Variants in LRRC4C observed in about 807,000 individuals in gnomAD.
LRRC4C encodes leucine rich repeat containing 4C.
A neutral mutation model predicts 33.6 loss-of-function variants in LRRC4C; 5 were observed. The ratio of observed to expected loss-of-function variants is 0.15; its 90% CI spans 0.08 to 0.31. The LOEUF is 0.31. Among genes scored for constraint, LRRC4C ranks in the 10% least tolerant of loss-of-function variants. The pLI is 1.00. For synonymous variants in LRRC4C, 329 were observed against 302.0 expected, an observed-to-expected ratio of 1.09 and a Z score of -0.93; for missense variants, 560 against 796.7, an observed-to-expected ratio of 0.70 and a Z score of 3.58.
At chr11:40,662,836 G>T (rs1943515411) in intron 2 of LRRC4C, among the ~76,000 whole-genome samples, 1 of 152,196 alleles carries the variant, frequency 6.6e-6, no homozygotes, top group Non-Finnish European at 1.5e-5. Context: ...TAGTATTTGT[G>T]TGAAGATTTA....
intron 5 of LRRC4C, among the ~76,000 whole-genome samples, chr11:40,194,771 A>G (rs1399704955): frequency 6.6e-6 from 1 of 152,172 alleles, no homozygotes; most frequent in East Asian, 1.9e-4. Context: ...AAGTATAATA[A>G]CAAAAAATCT....
At chr11:40,911,638 C>T (rs1956695170) in intron 2 of LRRC4C, among the ~76,000 whole-genome samples, 1 of 152,150 alleles carries the variant, frequency 6.6e-6, no homozygotes. Context: ...AATCAGAGAG[C>T]CTCTCTTCCT....
At chr11:40,337,139 A>C (rs75407396) in intron 3 of LRRC4C, among the ~76,000 whole-genome samples, 4,481 of 152,204 alleles carry the variant, frequency 0.029, 218 homozygotes, top group African/African-American at 0.1. Context: ...CTCCAGACAA[A>C]AGGAATCACA....
At chr11:40,548,284 G>C (rs1317822901) in intron 3 of LRRC4C, among the ~76,000 whole-genome samples, 1 of 152,092 alleles carries the variant, frequency 6.6e-6, no homozygotes, top group Non-Finnish European at 1.5e-5. Flanking sequence ...TATTTAGAGA[G>C]AGTAACTTTA....
intron 3 of LRRC4C, among the ~76,000 whole-genome samples, chr11:40,582,054 A>G (rs1426958507): frequency 1.3e-4 from 20 of 152,220 alleles, no homozygotes; most frequent in Non-Finnish European, 4.4e-5. Flanking sequence ...CATCTATTCA[A>G]TGGAATATTA....
intron 3 of LRRC4C, among the ~76,000 whole-genome samples, chr11:40,614,835 G>C (rs1180240664): frequency 2.0e-5 from 3 of 151,662 alleles, no homozygotes; most frequent in Non-Finnish European, 4.4e-5. Flanking sequence ...CAGTGGGTCA[G>C]ATGGAACACA....
At chr11:40,438,379 C>T (rs1165993918) in intron 3 of LRRC4C, among the ~76,000 whole-genome samples, 1 of 152,222 alleles carries the variant, frequency 6.6e-6, no homozygotes, top group East Asian at 1.9e-4. Context: ...CTATAACTGT[C>T]ATCCCCCAAA....
intron 5 of LRRC4C, among the ~76,000 whole-genome samples, chr11:40,215,331 C>T (rs541364568): frequency 9.9e-4 from 151 of 152,224 alleles, no homozygotes; most frequent in African/African-American, 3.2e-3. Flanking sequence ...TGCAAAGTTT[C>T]CTGAACGCTG....
chr11:40,970,347 G>C (rs1851644786), intron 1 of LRRC4C, among the ~76,000 whole-genome samples: 1 of 152,072 alleles, frequency 6.6e-6, no homozygotes, highest in Non-Finnish European at 1.5e-5. Context: ...TGGAGTTCTG[G>C]TTGTTTAAAA....
intron 1 of LRRC4C, among the ~76,000 whole-genome samples, chr11:40,939,350 G>A (rs1440640994): frequency 4.6e-5 from 7 of 152,082 alleles, no homozygotes. Flanking sequence ...ATTATTAGAA[G>A]ACACTTTTAA....
chr11:40,531,660 G>A lies in LRRC4C; in HGVS notation c.-270+116482C>T, dbSNP rs540469046. 5.3e-5 allele frequency among the ~76,000 whole-genome samples: 8 copies of A among 152,136 alleles called. No individual in the cohort carries two copies. In the East Asian group the frequency reaches 1.6e-3, roughly 29 times the overall value. The stretch of plus-strand genomic sequence containing the variant: ...AATTGATTTCTATTATTGGCAATCA[G>A]TAAGCCAACTAAATCAAGATTGCGT... On this transcript the variant is annotated intron_variant, in intron 3 of 6. Transcript: ENST00000528697.
chr11:40,727,776 C>G (rs537428418), intron 2 of LRRC4C, among the ~76,000 whole-genome samples: 12 of 152,064 alleles, frequency 7.9e-5, no homozygotes, highest in African/African-American at 2.9e-4. Flanking sequence ...AGGCTGGGTG[C>G]GATGACTCAC....
At chr11:41,093,321 T>C (rs1940564554) in intron 1 of LRRC4C, among the ~76,000 whole-genome samples, 1 of 152,206 alleles carries the variant, frequency 6.6e-6, no homozygotes, top group African/African-American at 2.4e-5. Flanking sequence ...CACCAAAAGG[T>C]AATACTTTCC....
At chr11:40,530,915 T>G (rs1167937866) in intron 3 of LRRC4C, among the ~76,000 whole-genome samples, 2 of 152,132 alleles carry the variant, frequency 1.3e-5, no homozygotes, top group African/African-American at 4.8e-5. Context: ...ATTCTACTGT[T>G]TTTTAGTGAC....
chr11:41,090,581 A>G (rs1940340534), intron 1 of LRRC4C, among the ~76,000 whole-genome samples: 1 of 152,134 alleles, frequency 6.6e-6, no homozygotes, highest in African/African-American at 2.4e-5. Context: ...TGTCCTGGGT[A>G]TCTGCCACTT....
intron 3 of LRRC4C, among the ~76,000 whole-genome samples, chr11:40,631,747 T>C (rs1337333026): frequency 2.0e-5 from 3 of 152,162 alleles, no homozygotes; most frequent in Non-Finnish European, 4.4e-5. Flanking sequence ...TCCAAAGTAG[T>C]TTAATTAGTA....
chr11:40,177,409 A>T (rs963302029), intron 5 of LRRC4C, among the ~76,000 whole-genome samples: 3 of 152,154 alleles, frequency 2.0e-5, no homozygotes, highest in Non-Finnish European at 4.4e-5. Context: ...TGAAGAGCTT[A>T]TATCATTGCC....
chr11:41,132,688 A>G (rs1239661444), intron 1 of LRRC4C, among the ~76,000 whole-genome samples: 6 of 152,232 alleles, frequency 3.9e-5, no homozygotes, highest in Non-Finnish European at 8.8e-5. Flanking sequence ...TTCTACTATG[A>G]TCATTTTTAT....
intron 6 of LRRC4C, among the ~76,000 whole-genome samples, chr11:40,124,189 GA>G (rs1325835642): frequency 5.9e-5 from 9 of 152,006 alleles, no homozygotes; most frequent in African/African-American, 2.2e-4. Flanking sequence ...GAGGATGTGG[GA>G]AAAAGGGAAC....
Sources: allele counts gnomAD v4.1 joint callset (sites outside exome capture counted in the v4.1 genomes callset), GRCh38; gene constraint gnomAD v4.1.1; transcripts MANE v1.5; gene names NCBI Gene and HGNC (gene_info 2026-07-23, HGNC 2026-07-21).